Variants in GRM7 observed in about 807,000 individuals in gnomAD.
The protein encoded by GRM7 is metabotropic glutamate receptor 7.
A neutral mutation model predicts 84.5 loss-of-function variants in GRM7; 35 were observed. The observed-to-expected ratio is 0.41, with a 90% confidence interval of 0.32 to 0.55. GRM7 has a LOEUF of 0.55. Among genes scored for constraint, GRM7 ranks in the 20% least tolerant of loss-of-function variants. The probability of loss-of-function intolerance (pLI) is 0.19; values close to 1 mark genes in which losing one functional copy is unlikely to be tolerated. For missense variants in GRM7, 1,003 were observed against 1,194.6 expected (o/e 0.84, Z 2.36); for synonymous variants, 487 against 455.1 (o/e 1.07, Z -0.89).
At chr3:6,931,250 A>G (rs925138056) in intron 1 of GRM7, among the ~76,000 whole-genome samples, 6 of 152,186 alleles carry the variant, frequency 3.9e-5, no homozygotes, top group Admixed American at 1.3e-4. Flanking sequence ...AGAAGAGTTC[A>G]GAACATGTCA....
intron 2 of GRM7, among the ~76,000 whole-genome samples, chr3:7,237,836 T>G (rs1403745730): frequency 6.6e-6 from 1 of 152,130 alleles, no homozygotes; most frequent in East Asian, 1.9e-4. Context: ...AGCGTAACGA[T>G]TGGTCCATTT....
chr3:7,201,953 T>C (rs373712984), intron 2 of GRM7, among the ~76,000 whole-genome samples: 2 of 152,212 alleles, frequency 1.3e-5, no homozygotes, highest in East Asian at 1.9e-4. Context: ...GATGTGGCCA[T>C]GACTGACCGT....
At chr3:7,197,573 C>G (rs1448891209) in intron 2 of GRM7, among the ~76,000 whole-genome samples, 1 of 152,016 alleles carries the variant, frequency 6.6e-6, no homozygotes, top group Non-Finnish European at 1.5e-5. Flanking sequence ...TCATATAGAC[C>G]TCTGTTCAAT....
At position 6,914,541 on chromosome 3, in the gene GRM7, T is replaced by C. The variant is rs147285957; in HGVS notation, c.519+52634T>C. ...CCTCAGCCTCCTGAGTAGCTGGGATTACAGGAATGCACCAGCACGCCTGGC... is the reference window on the plus strand; with the variant it reads ...CCTCAGCCTCCTGAGTAGCTGGGATCACAGGAATGCACCAGCACGCCTGGC... On this transcript the variant is annotated intron_variant, in intron 1 of 9. Coordinates refer to ENST00000357716, the MANE Select transcript of GRM7 (RefSeq NM_000844.4). 3.6e-3 allele frequency among the ~76,000 whole-genome samples: 554 copies of C among 152,126 alleles called. 6 individuals are homozygous for C. Among genetic ancestry groups the C allele is most frequent in the African/African-American group, 0.013 (522 of 41,508 alleles).
chr3:7,451,669 G>T (rs1292584681), intron 5 of GRM7: 3 of 152,078 alleles, frequency 2.0e-5, no homozygotes, highest in Admixed American at 6.6e-5. Flanking sequence ...CCTCTATAAG[G>T]CTCAGCTTTC....
chr3:7,506,554 T>C (rs931975685), intron 7 of GRM7, among the ~76,000 whole-genome samples: 1 of 152,190 alleles, frequency 6.6e-6, no homozygotes, highest in African/African-American at 2.4e-5. Flanking sequence ...TCTGTTGCTA[T>C]AAGAAATTAC....
At chr3:7,162,729 AT>A (rs71063284) in intron 2 of GRM7, among the ~76,000 whole-genome samples, 1 of 54,670 alleles carries the variant, frequency 1.8e-5, no homozygotes. Context: ...CCCATTTTTC[AT>A]TTTTTTTTTT....
At chr3:7,410,804 A>T (rs890926267) in intron 4 of GRM7, among the ~76,000 whole-genome samples, 1 of 152,174 alleles carries the variant, frequency 6.6e-6, no homozygotes, top group African/African-American at 2.4e-5. Flanking sequence ...CTAGTAAGGT[A>T]TATACCACAA....
intron 1 of GRM7, among the ~76,000 whole-genome samples, chr3:6,892,401 A>G (rs920497884): frequency 8.5e-5 from 13 of 152,226 alleles, no homozygotes; most frequent in African/African-American, 3.1e-4. Context: ...AGCGTGCCCT[A>G]AGTTCTGGTT....
chr3:7,692,469 TG>T (rs1341505871), intron 9 of GRM7, among the ~76,000 whole-genome samples: 1 of 152,192 alleles, frequency 6.6e-6, no homozygotes, highest in Admixed American at 6.5e-5. Context: ...CCTTGATACT[TG>T]GAAGTTTGGC....
chr3:7,462,691 C>T (rs1378422820), intron 7 of GRM7, among the ~76,000 whole-genome samples: 5 of 152,094 alleles, frequency 3.3e-5, no homozygotes, highest in South Asian at 4.1e-4. Context: ...CATAGGGAGC[C>T]GTGAAGCCAC....
At chr3:7,474,759 T>C (rs57718102) in intron 7 of GRM7, among the ~76,000 whole-genome samples, 1 of 151,954 alleles carries the variant, frequency 6.6e-6, no homozygotes, top group South Asian at 2.1e-4. Context: ...ACGTTTACAG[T>C]ATTCTAGGGA....
At chr3:6,987,890 A>G (rs570951743) in intron 1 of GRM7, among the ~76,000 whole-genome samples, 1 of 152,214 alleles carries the variant, frequency 6.6e-6, no homozygotes, top group South Asian at 2.1e-4. Context: ...TTCCAGAAGA[A>G]GAGCAAATTA....
At chr3:7,152,363 CATAA>C (rs1694312301) in intron 2 of GRM7, among the ~76,000 whole-genome samples, 1 of 152,176 alleles carries the variant, frequency 6.6e-6, no homozygotes, top group African/African-American at 2.4e-5. Context: ...CTTTCTAAAA[CATAA>C]ATAAAGTCAT....
chr3:7,229,150 G>C (rs1274545947), intron 2 of GRM7, among the ~76,000 whole-genome samples: 2 of 152,094 alleles, frequency 1.3e-5, no homozygotes, highest in African/African-American at 4.8e-5. Context: ...ATTTAATTGA[G>C]GGGTGGGGTG....
intron 1 of GRM7, among the ~76,000 whole-genome samples, chr3:7,026,927 C>G (rs1449740683): frequency 6.6e-6 from 1 of 152,220 alleles, no homozygotes; most frequent in Non-Finnish European, 1.5e-5. Context: ...TACCAAATTT[C>G]TGGCGCTGGC....
chr3:7,270,343 G>T (rs918807847), intron 2 of GRM7, among the ~76,000 whole-genome samples: 2 of 152,140 alleles, frequency 1.3e-5, no homozygotes, highest in African/African-American at 2.4e-5. Flanking sequence ...TAACTTCATT[G>T]AGGACAAAGA....
intron 7 of GRM7, among the ~76,000 whole-genome samples, chr3:7,512,545 A>C (rs568772805): frequency 2.0e-5 from 3 of 151,888 alleles, no homozygotes; most frequent in Non-Finnish European, 4.4e-5. Flanking sequence ...TTTTTGGAAG[A>C]AAATGGATAT....
chr3:7,235,370 A>T (rs955200678), intron 2 of GRM7, among the ~76,000 whole-genome samples: 5 of 152,272 alleles, frequency 3.3e-5, no homozygotes, highest in Middle Eastern at 3.4e-3. Context: ...TGAGTACAGA[A>T]TCTTTCACTT....
Sources: allele counts gnomAD v4.1 joint callset (sites outside exome capture counted in the v4.1 genomes callset), GRCh38; gene constraint gnomAD v4.1.1; transcripts MANE v1.5; gene names NCBI Gene and HGNC (gene_info 2026-07-23, HGNC 2026-07-21).